AFF1: variants seen among roughly 807,000 people sequenced by gnomAD.
The protein encoded by AFF1 is AF4/FMR2 family member 1.
AFF1 carries 48 observed loss-of-function variants against 121.7 expected under a neutral mutation model. The observed-to-expected ratio is 0.39, with a 90% confidence interval of 0.31 to 0.50. The LOEUF (loss-of-function observed/expected upper bound fraction) is 0.50. Ranked by LOEUF, AFF1 falls within the 20% of genes least tolerant of loss-of-function variation. The pLI is 0.76. For missense variants in AFF1, 1,523 were observed against 1,511.7 expected (o/e 1.01, Z -0.12); for synonymous variants, 613 against 563.0 (o/e 1.09, Z -1.26).
At position 87,115,271 on chromosome 4, in the gene AFF1, G is replaced by C. The variant is rs1238460466; in HGVS notation, c.2438G>C (p.Ser813Thr). The C allele has an allele frequency of 6.2e-7, 1 of 1,609,264 alleles. No homozygotes were observed. ...AGCTCTGAGAAGAGGAGCTCAGACA[G>C]CTCAAGCAAGTTGGCCAAAAAGAGA... The part of the protein sequence containing the change: ...KHSSEKRSSD[S>T]SSKLAKKRKG... Residue 813 changes from serine to threonine, a missense_variant, in exon 12 of 21, where the codon AGC (serine) becomes ACC (threonine). Transcript: ENST00000395146.
chr4:87,036,828 C>A, intron 2 of AFF1: 2 of 506,822 alleles, frequency 3.9e-6, no homozygotes, highest in Non-Finnish European at 3.9e-6. Flanking sequence ...CTCTCTCTCC[C>A]CTCCCCCATC....
chr4:87,132,510 T>A (rs994305760), intron 19 of AFF1, 102 bp downstream of exon 19: 13 of 1,212,138 alleles, frequency 1.1e-5, no homozygotes, highest in Admixed American at 6.1e-5. Context: ...TCACTTTGCC[T>A]TTTCAAAAAT....
chr4:87,005,696 C>G (rs1234098136), intron 2 of AFF1, among the ~76,000 whole-genome samples: 1 of 152,180 alleles, frequency 6.6e-6, no homozygotes, highest in Non-Finnish European at 1.5e-5. Context: ...CTGGGTACTT[C>G]CCATTTTATC....
intron 2 of AFF1, among the ~76,000 whole-genome samples, chr4:87,036,624 C>T (rs1485274912): frequency 6.6e-6 from 1 of 152,066 alleles, no homozygotes; most frequent in South Asian, 2.1e-4. Context: ...CCCTTAAAAA[C>T]CAATTGATGA....
At chr4:86,992,177 G>T (rs181042281) in intron 2 of AFF1, among the ~76,000 whole-genome samples, 1 of 152,042 alleles carries the variant, frequency 6.6e-6, no homozygotes, top group African/African-American at 2.4e-5. Flanking sequence ...ATGGACTCTC[G>T]AGTGCAGGGT....
intron 5 of AFF1, among the ~76,000 whole-genome samples, chr4:87,088,757 G>C (rs969153340): frequency 7.1e-6 from 1 of 140,092 alleles, no homozygotes; most frequent in Admixed American, 7.2e-5. Flanking sequence ...ACCATGCCCG[G>C]CTCATTTTTG....
intron 2 of AFF1, among the ~76,000 whole-genome samples, chr4:86,993,357 T>C (rs1323801385): frequency 6.6e-6 from 1 of 152,200 alleles, no homozygotes; most frequent in Non-Finnish European, 1.5e-5. Context: ...ATATGTAGTT[T>C]TTTTCTCCCA....
chr4:87,099,708 C>A, intron 8 of AFF1, among the ~76,000 whole-genome samples: 1 of 152,188 alleles, frequency 6.6e-6, no homozygotes, highest in Non-Finnish European at 1.5e-5. Context: ...TGTGCCCGGC[C>A]CCCACATGCT....
intron 2 of AFF1, among the ~76,000 whole-genome samples, chr4:86,987,079 A>G (rs1724346705): frequency 6.6e-6 from 1 of 152,116 alleles, no homozygotes; most frequent in South Asian, 2.1e-4. Flanking sequence ...TGCTGGCATC[A>G]GGTGATTCTC....
chr4:86,966,621 TA>T (rs1722558093), intron 2 of AFF1, among the ~76,000 whole-genome samples: 1 of 151,986 alleles, frequency 6.6e-6, no homozygotes, highest in Non-Finnish European at 1.5e-5. Context: ...ATTACTAGGC[TA>T]ATGGGCATTT....
At chr4:86,963,425 T>TGG (rs1722295783) in intron 2 of AFF1, among the ~76,000 whole-genome samples, 1 of 151,990 alleles carries the variant, frequency 6.6e-6, no homozygotes, top group African/African-American at 2.4e-5. Context: ...ACTGGTACCA[T>TGG]GGGGGAGGGA....
intron 2 of AFF1, among the ~76,000 whole-genome samples, chr4:86,995,844 C>T (rs1396497619): frequency 6.6e-6 from 1 of 150,462 alleles, no homozygotes; most frequent in Non-Finnish European, 1.5e-5. Flanking sequence ...TCTGCCTGGC[C>T]GCCATCCCAT....
intron 2 of AFF1, among the ~76,000 whole-genome samples, chr4:86,991,740 CCA>C (rs1418109276): frequency 1.3e-5 from 2 of 151,728 alleles, no homozygotes; most frequent in African/African-American, 4.8e-5. Context: ...TTGCTAATCA[CCA>C]CAGAGACTTT....
At chr4:87,019,322 T>A (rs1727649356) in intron 2 of AFF1, among the ~76,000 whole-genome samples, 1 of 152,212 alleles carries the variant, frequency 6.6e-6, no homozygotes, top group Non-Finnish European at 1.5e-5. Context: ...ACTTTAGGCC[T>A]CAGGAGACAG....
chr4:87,083,061 A>C (rs1723329160), intron 4 of AFF1, among the ~76,000 whole-genome samples: 1 of 152,208 alleles, frequency 6.6e-6, no homozygotes, highest in Non-Finnish European at 1.5e-5. Flanking sequence ...CTGGCTCATG[A>C]ATTGACACAG....
chr4:87,039,532 T>C (rs2149598561), intron 2 of AFF1, among the ~76,000 whole-genome samples: 1 of 152,352 alleles, frequency 6.6e-6, no homozygotes, highest in South Asian at 2.1e-4. Context: ...CTTTCATGGC[T>C]TGAGTGTTTA....
At chr4:86,984,403 C>T (rs547135197) in intron 2 of AFF1, among the ~76,000 whole-genome samples, 7 of 150,628 alleles carry the variant, frequency 4.6e-5, no homozygotes, top group South Asian at 2.1e-4. Flanking sequence ...TCTCAGCTCA[C>T]GCAACTTCTG....
rs564339314 is a variant in AFF1, at chr4:86,982,346, T to G, written c.38+33775T>G. On this transcript the variant is annotated intron_variant, in intron 2 of 20. Transcript: ENST00000395146. ...TGTTCACATTGTGTCAGAAATTATA[T>G]GACAAGAAGAAGGCAAGCGCTGTTC... Among the ~76,000 whole-genome samples the G allele has an allele frequency of 3.4e-5, 5 of 148,834 alleles. No individual in the cohort carries two copies. In the East Asian group the frequency reaches 9.8e-4, roughly 29 times the overall value.
chr4:87,129,258 T>G (rs763011896), intron 16 of AFF1, among the ~76,000 whole-genome samples: 2 of 152,236 alleles, frequency 1.3e-5, no homozygotes, highest in Non-Finnish European at 2.9e-5. Context: ...TTCAAAGATG[T>G]GCAGTTGGTG....
Sources: allele counts gnomAD v4.1 joint callset (sites outside exome capture counted in the v4.1 genomes callset), GRCh38; gene constraint gnomAD v4.1.1; transcripts MANE v1.5; gene names NCBI Gene and HGNC (gene_info 2026-07-23, HGNC 2026-07-21).